Variants in KIF24 observed in about 807,000 individuals in gnomAD.
KIF24 encodes the protein kinesin-like protein KIF24.
Under a neutral mutation model 118.9 loss-of-function variants are expected in KIF24, and 81 were observed. The ratio of observed to expected loss-of-function variants is 0.68; its 90% CI spans 0.57 to 0.82. KIF24 has a LOEUF of 0.82. Among genes scored for constraint, KIF24 ranks in the 40% least tolerant of loss-of-function variants. KIF24 has a pLI of 0.00. For missense variants in KIF24, 1,560 were observed against 1,661.6 expected (o/e 0.94, Z 1.06); for synonymous variants, 599 against 610.0 (o/e 0.98, Z 0.27).
At chr9:34,319,009 C>T in intron 1 of KIF24, 1 of 1,227,728 alleles carries the variant, frequency 8.1e-7, no homozygotes, top group Non-Finnish European at 1.2e-6. Flanking sequence ...TGCTTGTCAA[C>T]ACCATGTTCT....
At chr9:34,300,209 A>T (rs1836645140) in intron 3 of KIF24, among the ~76,000 whole-genome samples, 1 of 151,042 alleles carries the variant, frequency 6.6e-6, no homozygotes, top group South Asian at 2.1e-4. Context: ...AGAATAATAG[A>T]TGTGTGAACT....
Position 34,256,303 on chromosome 9 carries a change from C to T in KIF24, c.3304G>A (p.Ala1102Thr), listed in dbSNP as rs780331744. The T allele has an allele frequency of 6.2e-7, 1 of 1,612,580 alleles. No individual in the cohort carries two copies. The highest frequency in any genetic ancestry group is 1.1e-5 in the South Asian group (1 of 90,938). Residue 1102 changes from alanine to threonine, a missense_variant, in exon 11 of 13, where the codon GCC (alanine) becomes ACC (threonine). Ala to Thr is a moderately conservative substitution (Grantham distance 58, BLOSUM62 0). Around this residue, in one of 3 missense-constraint regions of KIF24, gnomAD observed 591 missense variants for 655.6 expected, o/e 0.90. Transcript: ENST00000402558. The part of the protein sequence containing the change: ...HTVPSGDQEA[A>T]LPVSSATRHL... ...CTAGTTGCTGAAGACACTGGCAAGG[C>T]TGCCTCTTGATCACCAGATGGCACT...
chr9:34,259,559 C>T, intron 10 of KIF24, 37 bp downstream of exon 10: 1 of 1,492,390 alleles, frequency 6.7e-7, no homozygotes, highest in Non-Finnish European at 9.3e-7. Context: ...TGCACATGCA[C>T]ACTTACACAC....
In KIF24 at chr9:34,318,871, C is replaced by A. The variant is rs187662980; in HGVS notation, c.-25-7500G>T. ...GCAGCAGCAAGCAGCACTACAACTG[C>A]GAGCACTCCAAGATCAATTTCCATG... On this transcript the variant is annotated intron_variant, in intron 1 of 12. Coordinates refer to ENST00000402558, the MANE Select transcript of KIF24 (RefSeq NM_194313.4). This position sits in a 1 kb window ranked among gnomAD's most constrained non-coding sequence, Gnocchi z 4.9. 2.2e-5 allele frequency: 35 copies of A among 1,600,854 alleles called. No individual in the cohort carries two copies. Among genetic ancestry groups the A allele is most frequent in the Non-Finnish European group, 1.6e-5 (19 of 1,171,544 alleles).
chr9:34,266,963 A>G (rs887426485), intron 8 of KIF24, among the ~76,000 whole-genome samples: 1 of 152,192 alleles, frequency 6.6e-6, no homozygotes, highest in Admixed American at 6.5e-5. Flanking sequence ...GTAAACAACA[A>G]CAATAAAACA....
intron 8 of KIF24, among the ~76,000 whole-genome samples, chr9:34,264,990 G>C (rs903989075): frequency 4.6e-5 from 7 of 152,106 alleles, no homozygotes; most frequent in African/African-American, 1.4e-4. Context: ...AAATAGTGTT[G>C]AGAGTATGTT....
At chr9:34,322,652 G>A (rs1213699754) in intron 1 of KIF24, among the ~76,000 whole-genome samples, 1 of 151,770 alleles carries the variant, frequency 6.6e-6, no homozygotes, top group Non-Finnish European at 1.5e-5. Context: ...CCAGGAGTTT[G>A]AGACCAGCCT....
Position 34,306,258 on chromosome 9 carries a change from A to C in KIF24, c.807T>G (p.Ile269Met), listed in dbSNP as rs529366531. Reference protein sequence around the residue: ...KKEAVDLTQYILQHVFYFDEV... With the variant: ...KKEAVDLTQYMLQHVFYFDEV... Reference sequence around the variant, plus strand: ...TAAAACGAAAACATCATACCTGCAGAATATATTGAGTGAGGTCAACTGCTT... The same window carrying C: ...TAAAACGAAAACATCATACCTGCAGCATATATTGAGTGAGGTCAACTGCTT... Residue 269 changes from isoleucine to methionine, a missense_variant, in exon 3 of 13, where the codon ATT (isoleucine) becomes ATG (methionine). This residue lies in a region of KIF24 where 964 missense variants were observed against 988.0 expected (regional missense o/e 0.98). Coordinates refer to ENST00000402558, the MANE Select transcript of KIF24 (RefSeq NM_194313.4). 3.1e-6 allele frequency: 5 copies of C among 1,590,054 alleles called. No homozygotes were observed. In the South Asian group the frequency reaches 5.8e-5, roughly 18 times the overall value.
At chr9:34,288,518 A>AT (rs1357425400) in intron 5 of KIF24, among the ~76,000 whole-genome samples, 1 of 151,986 alleles carries the variant, frequency 6.6e-6, no homozygotes, top group East Asian at 1.9e-4. Context: ...TCAACAGGGT[A>AT]AAGCATAACA....
At position 34,318,387 on chromosome 9, in the gene KIF24, C is replaced by T. The variant is rs552483675; in HGVS notation, c.-25-7016G>A. On this transcript the variant is annotated intron_variant, in intron 1 of 12. Transcript: ENST00000402558. This position sits in a 1 kb window ranked among gnomAD's most constrained non-coding sequence, Gnocchi z 4.9. Reference sequence around the variant, plus strand: ...CCTGACAGGTCCATCGTGGTGCACGCAAACCACCTCCCAGCCACGCGCTCC... The same window carrying T: ...CCTGACAGGTCCATCGTGGTGCACGTAAACCACCTCCCAGCCACGCGCTCC... The T allele has an allele frequency of 2.7e-4, 188 of 692,420 alleles. No individual in the cohort carries two copies. In the African/African-American group the frequency reaches 2.9e-3, roughly 11 times the overall value. 42.9% of individuals were successfully genotyped at this position (692,420 alleles called of 1,614,324 possible). A position where few individuals can be genotyped will look rare whatever the true frequency, so the allele number is the denominator to read the frequency against.
At chr9:34,272,231 C>T (rs1835533690) in intron 6 of KIF24, among the ~76,000 whole-genome samples, 1 of 152,062 alleles carries the variant, frequency 6.6e-6, no homozygotes, top group African/African-American at 2.4e-5. Flanking sequence ...ACTAAAATCC[C>T]CAGGGCATAA....
At chr9:34,300,389 G>A (rs1836653460) in intron 3 of KIF24, among the ~76,000 whole-genome samples, 1 of 148,548 alleles carries the variant, frequency 6.7e-6, no homozygotes, top group Admixed American at 6.7e-5. Context: ...TTTTTTTTGA[G>A]ACAGAGTCTC....
At chr9:34,280,067 G>A (rs1490588906) in intron 6 of KIF24, among the ~76,000 whole-genome samples, 1 of 151,414 alleles carries the variant, frequency 6.6e-6, no homozygotes, top group African/African-American at 2.4e-5. Flanking sequence ...GGCGGATCAC[G>A]AGGTCAGGAG....
At chr9:34,282,839 G>A (rs1835896903) in intron 6 of KIF24, among the ~76,000 whole-genome samples, 1 of 151,778 alleles carries the variant, frequency 6.6e-6, no homozygotes. Flanking sequence ...ATCACTTGAG[G>A]TCAGGAATTC....
chr9:34,319,121 A>G, intron 1 of KIF24: 2 of 1,460,928 alleles, frequency 1.4e-6, no homozygotes, highest in Admixed American at 1.7e-5. Flanking sequence ...GATGCACCAG[A>G]CAGGCCTCTA....
chr9:34,256,613 T>C lies in KIF24; in HGVS notation c.2994A>G (p.Pro998=). 1 of 1,613,964 alleles carries C rather than the reference T, an allele frequency of 6.2e-7. No homozygotes were observed. The highest frequency in any genetic ancestry group is 8.5e-7 in the Non-Finnish European group (1 of 1,179,886). The change falls in exon 11 of 13, where the codon CCA becomes CCG. Residue 998 remains proline, a synonymous_variant. Coordinates refer to ENST00000402558, the MANE Select transcript of KIF24 (RefSeq NM_194313.4). The part of the protein sequence containing the change: ...SLSHVAVPGS[P]DQRDTVTTPL... ...GTGTGGTGACTGTGTCTCTTTGGTC[T>C]GGGGATCCAGGAACTGCAACGTGGG... is the stretch of plus-strand genomic sequence containing the variant.
At chr9:34,279,729 T>C (rs907096639) in intron 6 of KIF24, among the ~76,000 whole-genome samples, 8 of 152,246 alleles carry the variant, frequency 5.3e-5, no homozygotes, top group Admixed American at 4.6e-4. Context: ...GGGTGATACC[T>C]GAGCGAGTAT....
chr9:34,259,895 A>C (rs1834992753), intron 9 of KIF24, among the ~76,000 whole-genome samples, 190 bp from the exon 10 acceptor site: 1 of 152,186 alleles, frequency 6.6e-6, no homozygotes, highest in African/African-American at 2.4e-5. Flanking sequence ...CTAATCCAAA[A>C]AATGCAAACA....
intron 1 of KIF24, among the ~76,000 whole-genome samples, chr9:34,313,026 G>GC (rs1563962214): frequency 7.9e-5 from 12 of 152,206 alleles, no homozygotes. Flanking sequence ...AGGCAGATTT[G>GC]TTTTTTAAAG....
Sources: gnomAD v4.1 joint callset for allele counts (sites outside exome capture counted in the v4.1 genomes callset) on GRCh38, gnomAD v4.1.1 for gene constraint, gnomAD v4.1.1 regional missense constraint, Gnocchi (gnomAD v3.1) non-coding constraint, MANE v1.5 for transcripts, NCBI Gene and HGNC (gene_info 2026-07-23, HGNC 2026-07-21) for gene names.